Variants in C8orf34 observed in about 807,000 individuals in gnomAD.
C8orf34 encodes the protein uncharacterized protein C8orf34.
Under a neutral mutation model 68.3 loss-of-function variants are expected in C8orf34, and 65 were observed. The observed-to-expected ratio is 0.95, with a 90% CI of 0.78 to 1.17. The LOEUF is 1.17. C8orf34 is among the 50% of genes most tolerant of loss of function. The pLI is 0.00. For missense variants in C8orf34, 664 were observed against 655.4 expected (o/e 1.01, Z -0.14); for synonymous variants, 244 against 241.2 (o/e 1.01, Z -0.11).
chr8:68,694,460 A>G (rs1820771291), intron 8 of C8orf34, among the ~76,000 whole-genome samples: 1 of 152,136 alleles, frequency 6.6e-6, no homozygotes, highest in African/African-American at 2.4e-5. Context: ...TATCCAGAAT[A>G]TAAATTATGA....
rs553598463 is a variant in C8orf34, at chr8:68,550,223, C to G, written c.1105+17074C>G. Among the ~76,000 whole-genome samples the G allele has an allele frequency of 4.6e-5, 7 of 151,724 alleles. No individual in the cohort carries two copies. In the East Asian group the frequency reaches 1.4e-3, roughly 29 times the overall value. The stretch of plus-strand genomic sequence containing the variant: ...TAACTGAGCATTTTATATAATTCAA[C>G]TTTCTCTCCCTTCTTAGTATATCTG... On this transcript the variant is annotated intron_variant, in intron 7 of 13. Coordinates refer to ENST00000518698, the MANE Select transcript of C8orf34 (RefSeq NM_052958.4).
At chr8:68,732,261 T>C (rs996789095) in intron 10 of C8orf34, among the ~76,000 whole-genome samples, 1 of 152,216 alleles carries the variant, frequency 6.6e-6, no homozygotes, top group Non-Finnish European at 1.5e-5. Context: ...CAGAATTAAG[T>C]ATTCTCTTAA....
intron 1 of C8orf34, among the ~76,000 whole-genome samples, chr8:68,362,007 A>G (rs960425616): frequency 2.0e-5 from 3 of 152,254 alleles, no homozygotes; most frequent in Non-Finnish European, 4.4e-5. Flanking sequence ...TGTAAGCCAA[A>G]CTGATTTGGA....
intron 1 of C8orf34, among the ~76,000 whole-genome samples, chr8:68,408,467 G>C (rs1384340319): frequency 1.3e-5 from 2 of 152,026 alleles, no homozygotes; most frequent in African/African-American, 4.8e-5. Flanking sequence ...AAAGGTTGGG[G>C]ACTGCTGCCA....
intron 1 of C8orf34, among the ~76,000 whole-genome samples, chr8:68,368,580 T>C (rs555253053): frequency 2.0e-5 from 3 of 152,312 alleles, no homozygotes; most frequent in South Asian, 4.1e-4. Context: ...AGAATGATCA[T>C]TGCAATATTA....
intron 5 of C8orf34, among the ~76,000 whole-genome samples, chr8:68,516,000 A>G (rs1180045255): frequency 6.6e-6 from 1 of 152,240 alleles, no homozygotes; most frequent in Non-Finnish European, 1.5e-5. Flanking sequence ...ATAGATGTTT[A>G]TTATCTATTC....
chr8:68,672,023 A>G (rs1048963580), intron 8 of C8orf34, among the ~76,000 whole-genome samples: 2 of 152,224 alleles, frequency 1.3e-5, no homozygotes, highest in African/African-American at 4.8e-5. Context: ...CCAAAAGTTT[A>G]TTAACAAGTG....
intron 1 of C8orf34, among the ~76,000 whole-genome samples, chr8:68,338,856 C>T (rs1805958694): frequency 6.6e-6 from 1 of 152,034 alleles, no homozygotes; most frequent in Non-Finnish European, 1.5e-5. Flanking sequence ...GTTCCATATC[C>T]TCACCTAATC....
At chr8:68,629,813 G>A (rs1818637599) in intron 7 of C8orf34, among the ~76,000 whole-genome samples, 1 of 151,964 alleles carries the variant, frequency 6.6e-6, no homozygotes, top group African/African-American at 2.4e-5. Context: ...GTGAGTGCAT[G>A]TGTGTATGTG....
At chr8:68,448,637 GA>G in intron 3 of C8orf34, among the ~76,000 whole-genome samples, 1 of 152,092 alleles carries the variant, frequency 6.6e-6, no homozygotes, top group East Asian at 1.9e-4. Context: ...GGGAAACAAA[GA>G]ACAGATTGGA....
intron 4 of C8orf34, 63 bp from the exon 5 acceptor site, chr8:68,487,960 G>T (rs1813147296): frequency 6.3e-6 from 7 of 1,105,410 alleles, no homozygotes; most frequent in Admixed American, 4.3e-5. Flanking sequence ...AGTTTGTTTT[G>T]AACATTAGGT....
intron 7 of C8orf34, among the ~76,000 whole-genome samples, chr8:68,578,318 A>C (rs1169390648): frequency 6.6e-6 from 1 of 152,026 alleles, no homozygotes; most frequent in Non-Finnish European, 1.5e-5. Context: ...GCTATAAGGA[A>C]AGTAACATGA....
intron 7 of C8orf34, among the ~76,000 whole-genome samples, chr8:68,582,035 C>T (rs1167038654): frequency 6.6e-6 from 1 of 152,066 alleles, no homozygotes; most frequent in Non-Finnish European, 1.5e-5. Flanking sequence ...GTTGTGATAC[C>T]TTCCATCAGT....
intron 6 of C8orf34, among the ~76,000 whole-genome samples, chr8:68,526,336 A>T (rs1352118268): frequency 6.6e-6 from 1 of 152,146 alleles, no homozygotes; most frequent in Non-Finnish European, 1.5e-5. Context: ...GACAGGTTGA[A>T]AGTTTTCTTT....
At chr8:68,685,823 G>T (rs181515707) in intron 8 of C8orf34, among the ~76,000 whole-genome samples, 1 of 151,872 alleles carries the variant, frequency 6.6e-6, no homozygotes, top group East Asian at 1.9e-4. Flanking sequence ...GCTGCAGTGA[G>T]CCATGATCAT....
intron 7 of C8orf34, among the ~76,000 whole-genome samples, chr8:68,617,159 T>C (rs1299966745): frequency 6.6e-6 from 1 of 152,156 alleles, no homozygotes; most frequent in African/African-American, 2.4e-5. Context: ...TCCTCCATCC[T>C]TTTATTTTGA....
intron 1 of C8orf34, among the ~76,000 whole-genome samples, chr8:68,372,190 A>G (rs1435436675): frequency 1.3e-5 from 2 of 152,192 alleles, no homozygotes; most frequent in African/African-American, 4.8e-5. Flanking sequence ...CAGTTAGAAA[A>G]CGGAAACCAC....
chr8:68,414,651 A>G (rs527667165), intron 1 of C8orf34, among the ~76,000 whole-genome samples: 1 of 152,290 alleles, frequency 6.6e-6, no homozygotes, highest in South Asian at 2.1e-4. Flanking sequence ...TGCACGGGTA[A>G]AATAAAATGA....
At chr8:68,463,563 T>G (rs1470138423) in intron 3 of C8orf34, among the ~76,000 whole-genome samples, 1 of 152,118 alleles carries the variant, frequency 6.6e-6, no homozygotes, top group Non-Finnish European at 1.5e-5. Context: ...GCAAACTGAA[T>G]CCAGCAGCAT....
Sources: gnomAD v4.1 joint callset for allele counts (sites outside exome capture counted in the v4.1 genomes callset) on GRCh38, gnomAD v4.1.1 for gene constraint, MANE v1.5 for transcripts, NCBI Gene and HGNC (gene_info 2026-07-23, HGNC 2026-07-21) for gene names.